MCCC1: variants seen among roughly 807,000 people sequenced by gnomAD.
MCCC1 encodes methylcrotonyl-CoA carboxylase subunit 1.
MCCC1 carries 64 observed loss-of-function variants against 83.8 expected under a neutral mutation model. The observed-to-expected ratio is 0.76, with a 90% confidence interval of 0.62 to 0.94. The LOEUF (loss-of-function observed/expected upper bound fraction) is 0.94, where lower values mean the gene tolerates loss of function less well. MCCC1 is among the 40% of genes least tolerant of loss of function. The pLI, the probability that MCCC1 is intolerant of heterozygous loss-of-function variation, is 0.00. For synonymous variants in MCCC1, 322 were observed against 315.4 expected (o/e 1.02, Z -0.22); for missense variants, 807 against 904.7 (o/e 0.89, Z 1.39).
chr3:183,068,765 C>T (rs546604204), intron 7 of MCCC1, among the ~76,000 whole-genome samples: 2 of 152,254 alleles, frequency 1.3e-5, no homozygotes, highest in African/African-American at 4.8e-5. Flanking sequence ...AATACATTAC[C>T]TTTCCTATGT....
chr3:183,061,418 C>T (rs1715825931), intron 7 of MCCC1, among the ~76,000 whole-genome samples: 1 of 152,148 alleles, frequency 6.6e-6, no homozygotes, highest in Non-Finnish European at 1.5e-5. Context: ...AAATTGGTTA[C>T]TTTTCCCCTC....
chr3:183,032,153 T>C (rs1008549444), intron 14 of MCCC1, among the ~76,000 whole-genome samples: 1 of 152,214 alleles, frequency 6.6e-6, no homozygotes, highest in Non-Finnish European at 1.5e-5. Flanking sequence ...CAATTATGTA[T>C]TTATTTTTTC....
upstream of MCCC1, among the ~76,000 whole-genome samples, chr3:183,103,719 T>C (rs980020746): frequency 1.3e-5 from 2 of 152,322 alleles, no homozygotes; most frequent in Admixed American, 1.3e-4. Context: ...CAGGTGGAGC[T>C]GCCTGCCAGT....
chr3:183,045,537 G>T lies in MCCC1; in HGVS notation c.959C>A (p.Thr320Asn). 1.2e-6 allele frequency: 2 copies of T among 1,613,824 alleles called. No individual in the cohort carries two copies. ...AKAVNYVGAG[T>N]VEFIMDSKHN... is the part of the protein sequence containing the mutation. ...TTTTGAGTCCATAATAAACTCCACA[G>T]TCCCTAAAAGGTAAAAAACAATGGT... The change falls in exon 10 of 19, where the codon ACT (threonine) becomes AAT (asparagine). Residue 320 changes from threonine to asparagine, a missense_variant. Physicochemically the swap from Thr to Asn is moderately conservative, Grantham distance 65. Coordinates refer to ENST00000265594, the MANE Select transcript of MCCC1 (RefSeq NM_020166.5).
rs1718431677 is a variant in MCCC1 at position 183,092,453 on chromosome 3, CCA to C, written c.227_228del (p.Val76GlyfsTer4). ...TTTCTGTCAGCCTCACTATAAACCG[CCA>C]CAGTCTGTACACCCAGTTTTTTGGC... ...RTAKKLGVQT[V>X]AVYSEADRNS... On this transcript the variant is annotated frameshift_variant, in exon 3 of 19. Coordinates refer to ENST00000265594, the MANE Select transcript of MCCC1 (RefSeq NM_020166.5). LOFTEE classifies it high-confidence loss of function. 3.1e-6 allele frequency: 5 copies of C among 1,614,224 alleles called. No homozygotes were observed. Among genetic ancestry groups the C allele is most frequent in the Non-Finnish European group, 4.2e-6 (5 of 1,180,042 alleles).
chr3:183,116,192 G>T (rs906566410), upstream of MCCC1: 12 of 176,114 alleles, frequency 6.8e-5, no homozygotes, highest in Non-Finnish European at 1.1e-4. Context: ...CTGCTCATGC[G>T]CACTGACTGC....
upstream of MCCC1, among the ~76,000 whole-genome samples, chr3:183,101,701 T>G (rs1175816381): frequency 6.6e-6 from 1 of 152,158 alleles, no homozygotes; most frequent in Non-Finnish European, 1.5e-5. Flanking sequence ...GGCAACCTGC[T>G]CGGGTCCCAT....
intron 4 of MCCC1, among the ~76,000 whole-genome samples, chr3:183,084,904 A>G (rs941382571): frequency 8.5e-5 from 13 of 152,178 alleles, no homozygotes; most frequent in African/African-American, 3.1e-4. Flanking sequence ...AAACAAAAAT[A>G]AAAACAAATT....
At chr3:183,066,344 G>A (rs375188571) in intron 7 of MCCC1, among the ~76,000 whole-genome samples, 19 of 152,176 alleles carry the variant, frequency 1.2e-4, no homozygotes, top group Admixed American at 2.0e-4. Context: ...TCACTCTGTC[G>A]CCCAAGCTGG....
chr3:183,025,433 G>A (rs1329507786), intron 15 of MCCC1, among the ~76,000 whole-genome samples: 1 of 152,158 alleles, frequency 6.6e-6, no homozygotes, highest in Non-Finnish European at 1.5e-5. Flanking sequence ...CAGTTCCTGA[G>A]ACAAAAAATG....
chr3:183,015,926 T>G (rs1438902327), intron 18 of MCCC1, among the ~76,000 whole-genome samples: 45 of 146,640 alleles, frequency 3.1e-4, no homozygotes, highest in East Asian at 7.0e-4. Context: ...TTTTTTTTTG[T>G]TTTTTGTTGT....
At position 183,092,457 on chromosome 3, in the gene MCCC1, A is replaced by G. The variant is rs867796565; in HGVS notation, c.225T>C (p.Thr75=). The G allele has an allele frequency of 6.2e-7, 1 of 1,614,220 alleles. No individual in the cohort carries two copies. The highest frequency in any genetic ancestry group is 8.5e-7 in the Non-Finnish European group (1 of 1,180,032). ...TGTCAGCCTCACTATAAACCGCCAC[A>G]GTCTGTACACCCAGTTTTTTGGCTG... ...MRTAKKLGVQ[T]VAVYSEADRN... The change falls in exon 3 of 19, where the codon ACT becomes ACC. Residue 75 remains threonine (T), a synonymous_variant. Transcript: ENST00000265594.
intron 14 of MCCC1, among the ~76,000 whole-genome samples, chr3:183,031,298 A>C (rs933023861): frequency 6.6e-6 from 1 of 152,208 alleles, no homozygotes; most frequent in Non-Finnish European, 1.5e-5. Context: ...TGTTTAATAC[A>C]GTATCTGACA....
chr3:183,073,235 T>C (rs191086861), intron 4 of MCCC1, among the ~76,000 whole-genome samples: 4 of 152,298 alleles, frequency 2.6e-5, no homozygotes, highest in Admixed American at 1.3e-4. Flanking sequence ...AGTTTCTATA[T>C]ACTTAAATTT....
At chr3:183,035,825 C>T (rs2108467067) in intron 13 of MCCC1, among the ~76,000 whole-genome samples, 1 of 151,732 alleles carries the variant, frequency 6.6e-6, no homozygotes, top group East Asian at 1.9e-4. Context: ...ATTTAAAGGG[C>T]AGAACTTTTT....
At chr3:183,050,905 T>C (rs1158444331) in intron 9 of MCCC1, among the ~76,000 whole-genome samples, 2 of 152,092 alleles carry the variant, frequency 1.3e-5, no homozygotes, top group East Asian at 3.9e-4. Context: ...TCAAAGAAGA[T>C]ATAAAGATGG....
At chr3:183,086,001 T>A (rs1462840181) in intron 4 of MCCC1, among the ~76,000 whole-genome samples, 1 of 152,120 alleles carries the variant, frequency 6.6e-6, no homozygotes, top group African/African-American at 2.4e-5. Flanking sequence ...CCTCCCCCAG[T>A]CTCTCCTTCA....
At chr3:183,046,081 C>T (rs1008407049) in intron 9 of MCCC1, among the ~76,000 whole-genome samples, 1 of 152,172 alleles carries the variant, frequency 6.6e-6, no homozygotes, top group Non-Finnish European at 1.5e-5. Flanking sequence ...TTTTAGACAA[C>T]AAACTGTAAC....
At chr3:183,044,766 C>CA (rs1229244402) in intron 10 of MCCC1, among the ~76,000 whole-genome samples, 5 of 151,798 alleles carry the variant, frequency 3.3e-5, no homozygotes, top group Non-Finnish European at 5.9e-5. Flanking sequence ...CCTAAAGTGC[C>CA]AAAAAAAGCT....
Sources: allele counts gnomAD v4.1 joint callset (sites outside exome capture counted in the v4.1 genomes callset), GRCh38; gene constraint gnomAD v4.1.1; transcripts MANE v1.5; gene names NCBI Gene and HGNC (gene_info 2026-07-23, HGNC 2026-07-21).